The following CHCHD3 variants were observed in gnomAD, a reference collection of about 807,000 sequenced individuals.
CHCHD3 encodes coiled-coil-helix-coiled-coil-helix domain containing 3.
Under a neutral mutation model 38.2 loss-of-function variants are expected in CHCHD3, and 20 were observed. The ratio of observed to expected loss-of-function variants is 0.52; its 90% CI spans 0.37 to 0.76. CHCHD3 has a LOEUF of 0.76. CHCHD3 is among the 30% of genes least tolerant of loss of function. The pLI is 0.00. For synonymous variants in CHCHD3, 82 were observed against 100.0 expected (o/e 0.82, Z 1.07); for missense variants, 245 against 279.2 (o/e 0.88, Z 0.87).
At chr7:132,830,718 A>G (rs1171559363) in intron 6 of CHCHD3, 1 of 152,226 alleles carries the variant, frequency 6.6e-6, no homozygotes, top group Non-Finnish European at 1.5e-5. Flanking sequence ...CCAGCAGCAC[A>G]TTTGCAAATT....
At chr7:132,864,076 CA>C (rs1485267009) in intron 5 of CHCHD3, among the ~76,000 whole-genome samples, 2 of 152,208 alleles carry the variant, frequency 1.3e-5, no homozygotes, top group African/African-American at 4.8e-5. Context: ...TTTGCATTCA[CA>C]ACTTGGCCAA....
chr7:132,957,576 G>A (rs994399633), intron 4 of CHCHD3, among the ~76,000 whole-genome samples: 11 of 152,244 alleles, frequency 7.2e-5, no homozygotes, highest in Middle Eastern at 3.4e-3. Flanking sequence ...TCTGCTTCCT[G>A]AGTTCAAGCG....
At chr7:133,022,291 G>T (rs1813202822) in intron 3 of CHCHD3, 1 of 391,878 alleles carries the variant, frequency 2.6e-6, no homozygotes, top group East Asian at 7.2e-5. Context: ...CATTTGGAGG[G>T]AAAAGAGAAA....
intron 4 of CHCHD3, among the ~76,000 whole-genome samples, chr7:132,937,114 C>T (rs1244809611): frequency 1.3e-5 from 2 of 152,134 alleles, no homozygotes; most frequent in Admixed American, 1.3e-4. Flanking sequence ...ATGCTGGCAA[C>T]ATTTATGTTG....
intron 6 of CHCHD3, among the ~76,000 whole-genome samples, chr7:132,814,556 T>G (rs966649949): frequency 2.6e-5 from 4 of 152,226 alleles, no homozygotes; most frequent in African/African-American, 9.6e-5. Context: ...TTTCTATAAA[T>G]GCACCATGGC....
intron 2 of CHCHD3, among the ~76,000 whole-genome samples, chr7:133,037,165 A>T (rs1382000983): frequency 6.6e-6 from 1 of 152,222 alleles, no homozygotes; most frequent in East Asian, 1.9e-4. Flanking sequence ...TTAAAGTAAA[A>T]TTGATGTTGA....
intron 3 of CHCHD3, among the ~76,000 whole-genome samples, chr7:132,986,760 G>T (rs1307589802): frequency 6.6e-6 from 1 of 152,256 alleles, no homozygotes; most frequent in Middle Eastern, 3.4e-3. Context: ...AAAATAAATG[G>T]CATGAAAGAC....
chr7:132,816,944 G>GA (rs1318072259), intron 6 of CHCHD3, among the ~76,000 whole-genome samples: 21 of 151,846 alleles, frequency 1.4e-4, no homozygotes, highest in East Asian at 7.7e-4. Context: ...ACAAAAGCCT[G>GA]AAAAAAAACC....
At chr7:132,994,670 A>T (rs192037932) in intron 3 of CHCHD3, among the ~76,000 whole-genome samples, 3 of 150,750 alleles carry the variant, frequency 2.0e-5, no homozygotes, top group Non-Finnish European at 4.4e-5. Flanking sequence ...ATCATTGAAC[A>T]CAATCACAAC....
rs561455395 is a variant in CHCHD3, at chr7:132,833,190, C to T, written c.524+5209G>A. 9.2e-5 allele frequency among the ~76,000 whole-genome samples: 14 copies of T among 152,126 alleles called. No individual in the cohort carries two copies. In the South Asian group the frequency reaches 2.5e-3, roughly 27 times the overall value. Reference sequence around the variant, plus strand: ...TTAGGATGAGCTGTAACATTACTAGCGCCATATAATAGAAACTAGCACCCT... The same window carrying T: ...TTAGGATGAGCTGTAACATTACTAGTGCCATATAATAGAAACTAGCACCCT... On this transcript the variant is annotated intron_variant, in intron 6 of 7. Coordinates refer to ENST00000262570, the MANE Select transcript of CHCHD3 (RefSeq NM_017812.4).
chr7:132,992,355 G>C (rs997830323), intron 3 of CHCHD3, among the ~76,000 whole-genome samples: 1 of 152,170 alleles, frequency 6.6e-6, no homozygotes, highest in African/African-American at 2.4e-5. Flanking sequence ...TCTCCTCAGA[G>C]CTCCATGACA....
rs1374983548 is a variant in CHCHD3, at chr7:133,075,169, C to A, written c.82-4940G>T. Among the ~76,000 whole-genome samples the A allele has an allele frequency of 3.9e-5, 6 of 152,180 alleles. No individual in the cohort carries two copies. The South Asian group carries it at 8.3e-4, about 21-fold the overall frequency. ...TGTTAACTTTTTTTTCTTTTTGAGGCCTCTCTGATGTCCCAAGTTGCTACT... is the reference window on the plus strand; with the variant it reads ...TGTTAACTTTTTTTTCTTTTTGAGGACTCTCTGATGTCCCAAGTTGCTACT... On this transcript the variant is annotated intron_variant, in intron 1 of 7. Transcript: ENST00000262570.
intron 4 of CHCHD3, among the ~76,000 whole-genome samples, chr7:132,968,844 A>C (rs964473594): frequency 6.6e-6 from 1 of 152,190 alleles, no homozygotes; most frequent in African/African-American, 2.4e-5. Context: ...TCCTCGTTGG[A>C]TAGAACCTCA....
rs1356887247 is a variant in CHCHD3 at position 132,785,007 on chromosome 7, A to T, written c.*630T>A. On this transcript the variant is annotated 3_prime_UTR_variant, in exon 8 of 8. Transcript: ENST00000262570. ...CACTTGTAATCATAAACATTATTCCAGTAGAAGAGGTACATTTTCTCTCCT... is the reference window on the plus strand; with the variant it reads ...CACTTGTAATCATAAACATTATTCCTGTAGAAGAGGTACATTTTCTCTCCT... 1 of 152,686 alleles carries T rather than the reference A, an allele frequency of 6.5e-6. No homozygotes were observed. Among genetic ancestry groups the T allele is most frequent in the East Asian group, 1.9e-4 (1 of 5,202 alleles). The allele number at this position is 152,686 out of a possible 1,614,324, so 9.5% of individuals were successfully genotyped here.
At chr7:132,938,153 C>T (rs947818748) in intron 4 of CHCHD3, among the ~76,000 whole-genome samples, 2 of 152,166 alleles carry the variant, frequency 1.3e-5, no homozygotes, top group African/African-American at 4.8e-5. Flanking sequence ...ATAGTTGTAT[C>T]TTTCATTTAC....
chr7:132,815,010 G>T (rs1310234491), intron 6 of CHCHD3, among the ~76,000 whole-genome samples: 1 of 152,186 alleles, frequency 6.6e-6, no homozygotes, highest in Admixed American at 6.5e-5. Context: ...AACTGGTTTT[G>T]TTATCTAAAT....
chr7:132,942,945 A>C (rs1350060477), intron 4 of CHCHD3, among the ~76,000 whole-genome samples: 1 of 152,168 alleles, frequency 6.6e-6, no homozygotes, highest in Non-Finnish European at 1.5e-5. Context: ...CCAACCATGC[A>C]CAAGTAATAA....
At chr7:133,048,489 G>A (rs74552254) in intron 2 of CHCHD3, among the ~76,000 whole-genome samples, 3,471 of 152,168 alleles carry the variant, frequency 0.023, 129 homozygotes, top group African/African-American at 0.079. Flanking sequence ...AGATGAATCC[G>A]GCCTAATAGA....
intron 3 of CHCHD3, among the ~76,000 whole-genome samples, chr7:132,990,040 G>A (rs1004122178): frequency 6.6e-6 from 1 of 152,244 alleles, no homozygotes; most frequent in East Asian, 1.9e-4. Flanking sequence ...GGGCGTGGTG[G>A]TGGGTGCCTG....
Sources: gnomAD v4.1 joint callset for allele counts (sites outside exome capture counted in the v4.1 genomes callset) on GRCh38, gnomAD v4.1.1 for gene constraint, MANE v1.5 for transcripts, NCBI Gene and HGNC (gene_info 2026-07-23, HGNC 2026-07-21) for gene names.